The following FREM3 variants were observed in gnomAD, a reference collection of about 807,000 sequenced individuals.
FREM3 encodes FRAS1 related extracellular matrix 3.
A neutral mutation model predicts 129.1 loss-of-function variants in FREM3; 105 were observed. The ratio of observed to expected loss-of-function variants is 0.81; its 90% CI spans 0.69 to 0.96. The LOEUF (loss-of-function observed/expected upper bound fraction) is 0.96. Ranked by LOEUF, FREM3 falls within the 40% of genes least tolerant of loss-of-function variation. The probability of loss-of-function intolerance (pLI) is 0.00; values close to 1 mark genes in which losing one functional copy is unlikely to be tolerated. For synonymous variants in FREM3, 1,014 were observed against 1,044.9 expected (o/e 0.97, Z 0.57); for missense variants, 2,593 against 2,666.3 (o/e 0.97, Z 0.61).
intron 2 of FREM3, among the ~76,000 whole-genome samples, chr4:143,682,665 C>T (rs780876291): frequency 1.3e-5 from 2 of 152,170 alleles, no homozygotes; most frequent in Non-Finnish European, 2.9e-5. Context: ...TGCAAAGAAC[C>T]TGGACAACTT....
chr4:143,620,463 A>G (rs187197280), intron 5 of FREM3, among the ~76,000 whole-genome samples: 195 of 152,300 alleles, frequency 1.3e-3, no homozygotes, highest in Middle Eastern at 3.4e-3. Flanking sequence ...GTTAGAGAAT[A>G]TGATCCTGAG....
At position 143,627,631 on chromosome 4, in the gene FREM3, C is replaced by T. The variant is rs1739063700; in HGVS notation, c.5405G>A (p.Gly1802Glu). ...TTACTTACTGATAAATGATGTTTCT[C>T]CAAGGTATCCTCTGCGTGTAAGGGT... ...EVTLTRRGYLGETSFISIGTK... is the reference protein window; with the variant it reads ...EVTLTRRGYLEETSFISIGTK... The change falls in exon 3 of 8, where the codon GGA becomes GAA. Residue 1802 changes from glycine (G) to glutamate (E), a missense_variant. By Grantham distance (98) the Gly-to-Glu change is moderately conservative (BLOSUM62 -2). Coordinates refer to ENST00000329798, the MANE Select transcript of FREM3 (RefSeq NM_001168235.2). The T allele has an allele frequency of 1.3e-6, 2 of 1,536,104 alleles. No homozygotes were observed. Among genetic ancestry groups the T allele is most frequent in the African/African-American group, 1.4e-5 (1 of 72,954 alleles).
At chr4:143,686,159 G>A (rs928358327) in intron 2 of FREM3, among the ~76,000 whole-genome samples, 35 of 152,220 alleles carry the variant, frequency 2.3e-4, no homozygotes, top group African/African-American at 7.2e-4. Flanking sequence ...CACCAAAAGC[G>A]AGCAGGAGTA....
At chr4:143,675,733 C>A (rs1286308525) in intron 2 of FREM3, among the ~76,000 whole-genome samples, 1 of 152,168 alleles carries the variant, frequency 6.6e-6, no homozygotes, top group Non-Finnish European at 1.5e-5. Context: ...CACAGAAATA[C>A]AAACTACCAT....
In FREM3 at chr4:143,596,176, T is replaced by C. The variant is rs571008968; in HGVS notation, c.6029-10183A>G. Among the ~76,000 whole-genome samples the C allele has an allele frequency of 3.3e-5, 5 of 152,324 alleles. No individual in the cohort carries two copies. In the South Asian group the frequency reaches 1.0e-3, roughly 32 times the overall value. On this transcript the variant is annotated intron_variant, in intron 6 of 7. Transcript: ENST00000329798. ...ATCATTTTAGGTAGATGGGACTTGATATTTTAGATTTTATAGAATGTGGAA... is the reference window on the plus strand; with the variant it reads ...ATCATTTTAGGTAGATGGGACTTGACATTTTAGATTTTATAGAATGTGGAA...
At chr4:143,637,052 A>G (rs1336490674) in intron 2 of FREM3, among the ~76,000 whole-genome samples, 1 of 152,166 alleles carries the variant, frequency 6.6e-6, no homozygotes, top group Non-Finnish European at 1.5e-5. Context: ...TCACACCATA[A>G]TGTAGTTTTA....
At chr4:143,592,954 C>T (rs1738393745) in intron 6 of FREM3, among the ~76,000 whole-genome samples, 2 of 152,136 alleles carry the variant, frequency 1.3e-5, no homozygotes, top group Non-Finnish European at 2.9e-5. Flanking sequence ...ATTCTTTTTT[C>T]TCTAAACTTC....
Position 143,639,345 on chromosome 4 carries a change from G to C in FREM3, c.5276-11585C>G, listed in dbSNP as rs572762871. Reference sequence around the variant, plus strand: ...TCAGCATGTCGTGGGAACAGAACTGGACTGAGTGAGGAGATCTGGGCTGGA... The same window carrying C: ...TCAGCATGTCGTGGGAACAGAACTGCACTGAGTGAGGAGATCTGGGCTGGA... On this transcript the variant is annotated intron_variant, in intron 2 of 7. Coordinates refer to ENST00000329798, the MANE Select transcript of FREM3 (RefSeq NM_001168235.2). Among the ~76,000 whole-genome samples, 17 of 152,220 alleles carry C rather than the reference G, an allele frequency of 1.1e-4. No individual in the cohort carries two copies. The South Asian group carries it at 1.7e-3, about 15-fold the overall frequency.
chr4:143,629,284 A>C (rs1739098733), intron 2 of FREM3, among the ~76,000 whole-genome samples: 1 of 152,180 alleles, frequency 6.6e-6, no homozygotes. Context: ...AACCATGAGC[A>C]TGGAAAGAGG....
chr4:143,586,031 G>A, intron 6 of FREM3, 38 bp from the exon 7 acceptor site: 3 of 1,534,176 alleles, frequency 2.0e-6, no homozygotes, highest in Non-Finnish European at 1.7e-6. Context: ...GAATGCTTCA[G>A]CCTGCCTGGT....
rs750809003 is a variant in FREM3 at position 143,595,889 on chromosome 4, G to GGAAAAAAAAAAAAA, written c.6029-9897_6029-9896insTTTTTTTTTTTTTC. Among the ~76,000 whole-genome samples the GGAAAAAAAAAAAAA allele has an allele frequency of 7.6e-4, 84 of 110,656 alleles. 7 individuals carry two copies. Among genetic ancestry groups the GGAAAAAAAAAAAAA allele is most frequent in the African/African-American group, 1.0e-3 (29 of 27,894 alleles). The allele number at this position is 110,656 out of a possible 152,430, so 72.6% of individuals were successfully genotyped here. A position where few individuals can be genotyped will look rare whatever the true frequency, so the allele number is the denominator to read the frequency against. ...GGCGACAGAGCGAGACGCCATCTCA[G>GGAAAAAAAAAAAAA]AAAAAAAAAAAAAAAGAAGGAACTG... On this transcript the variant is annotated intron_variant, in intron 6 of 7. Coordinates refer to ENST00000329798, the MANE Select transcript of FREM3 (RefSeq NM_001168235.2).
In FREM3 at chr4:143,698,847, A is replaced by G. The variant is rs1334750888; in HGVS notation, c.1829T>C (p.Leu610Pro). The change falls in exon 1 of 8, where the codon CTG becomes CCG. Residue 610 changes from leucine (L) to proline (P), a missense_variant. Leu to Pro is a moderately conservative substitution (Grantham distance 98, BLOSUM62 -3). Coordinates refer to ENST00000329798, the MANE Select transcript of FREM3 (RefSeq NM_001168235.2). ...APGSSHSGHY[L>P]GDLLLQQAEL... ...AGCCTGCTGCAGCAACAGGTCCCCCAGGTAGTGGCCTGAGTGGGAGGAACC... is the reference window on the plus strand; with the variant it reads ...AGCCTGCTGCAGCAACAGGTCCCCCGGGTAGTGGCCTGAGTGGGAGGAACC... 1.3e-6 allele frequency: 2 copies of G among 1,537,614 alleles called. No homozygotes were observed. Among genetic ancestry groups the G allele is most frequent in the Non-Finnish European group, 1.7e-6 (2 of 1,147,022 alleles).
intron 5 of FREM3, among the ~76,000 whole-genome samples, chr4:143,613,258 C>T (rs925478234): frequency 2.2e-4 from 34 of 152,284 alleles, no homozygotes; most frequent in African/African-American, 7.5e-4. Flanking sequence ...TTTGCTAGGG[C>T]AGAGGGCAGA....
chr4:143,691,079 T>G (rs1740458166), intron 2 of FREM3, among the ~76,000 whole-genome samples: 1 of 152,182 alleles, frequency 6.6e-6, no homozygotes, highest in Admixed American at 6.5e-5. Context: ...TCCCTGGATC[T>G]AAGGGAAAAA....
chr4:143,584,383 T>A (rs535541008), intron 7 of FREM3, among the ~76,000 whole-genome samples: 13 of 129,276 alleles, frequency 1.0e-4, no homozygotes, highest in African/African-American at 4.0e-4. Flanking sequence ...CGGTCCGCAG[T>A]CCGGCCTGGG....
At chr4:143,590,347 C>G (rs1045613175) in intron 6 of FREM3, among the ~76,000 whole-genome samples, 2 of 152,102 alleles carry the variant, frequency 1.3e-5, no homozygotes, top group Non-Finnish European at 2.9e-5. Flanking sequence ...CAGTTTTTGC[C>G]CATTCAGTAT....
Position 143,611,403 on chromosome 4 carries a change from G to T in FREM3, c.5904C>A (p.Ile1968=), listed in dbSNP as rs757082007. Residue 1968 remains isoleucine (I), a synonymous_variant, in exon 6 of 8, where the codon ATC becomes ATA. Coordinates refer to ENST00000329798, the MANE Select transcript of FREM3 (RefSeq NM_001168235.2). Reference sequence around the variant, plus strand: ...CCTCTTCATAAAGGGAGTCATCAATGATCAGGACCTGGCAGGTCTTCTGTG... The same window carrying T: ...CCTCTTCATAAAGGGAGTCATCAATTATCAGGACCTGGCAGGTCTTCTGTG... ...NETQKTCQVL[I]IDDSLYEEEE... 48 of 1,537,208 alleles carry T rather than the reference G, an allele frequency of 3.1e-5. 1 individual carries two copies. The South Asian group carries it at 5.2e-4, about 17-fold the overall frequency.
chr4:143,672,443 G>A (rs1740016004), intron 2 of FREM3, among the ~76,000 whole-genome samples: 1 of 152,202 alleles, frequency 6.6e-6, no homozygotes, highest in Admixed American at 6.5e-5. Context: ...ATCTTTGTAT[G>A]AAAAAGCATA....
At chr4:143,685,929 G>T (rs1002030795) in intron 2 of FREM3, among the ~76,000 whole-genome samples, 4 of 152,130 alleles carry the variant, frequency 2.6e-5, no homozygotes, top group Non-Finnish European at 4.4e-5. Context: ...GGGTTGATGG[G>T]TGCCCCAAAC....
Sources: gnomAD v4.1 joint callset for allele counts (sites outside exome capture counted in the v4.1 genomes callset) on GRCh38, gnomAD v4.1.1 for gene constraint, MANE v1.5 for transcripts, NCBI Gene and HGNC (gene_info 2026-07-23, HGNC 2026-07-21) for gene names.